Variants in DNAJB7 observed in about 807,000 individuals in gnomAD.
The protein encoded by DNAJB7 is DnaJ heat shock protein family (Hsp40) member B7.
DNAJB7 carries 1 observed loss-of-function variant against 1.2 expected under a neutral mutation model. That is an observed-to-expected ratio of 0.84 (90% CI 0.30 to 4.01). DNAJB7 has a LOEUF of 4.01. DNAJB7 is among the 30% of genes most tolerant of loss of function. The pLI, the probability that DNAJB7 is intolerant of heterozygous loss-of-function variation, is 0.18. For missense variants in DNAJB7, 420 were observed against 358.5 expected, an observed-to-expected ratio of 1.17 and a Z score of -1.39; for synonymous variants, 128 against 127.7, an observed-to-expected ratio of 1.00 and a Z score of -0.01.
rs1195668631 is a variant in DNAJB7 at position 40,860,792 on chromosome 22, A to G, written c.*273T>C. On this transcript the variant is annotated 3_prime_UTR_variant, in exon 1 of 1. Coordinates refer to ENST00000307221, the MANE Select transcript of DNAJB7 (RefSeq NM_145174.2). Reference sequence around the variant, plus strand: ...CAGCTTCCCGAGTAGCTGGGACTACAGGTGCACACCACCACACTTGGCTAA... The same window carrying G: ...CAGCTTCCCGAGTAGCTGGGACTACGGGTGCACACCACCACACTTGGCTAA... 13 of 663,248 alleles carry G rather than the reference A, an allele frequency of 2.0e-5. No individual in the cohort carries two copies. The highest frequency in any genetic ancestry group is 2.7e-5 in the Non-Finnish European group (11 of 403,376). 41.1% of individuals were successfully genotyped at this position (663,248 alleles called of 1,614,324 possible).
In DNAJB7 at chr22:40,861,917, C is replaced by A; in HGVS notation, c.78G>T (p.Val26=). 6.2e-7 allele frequency: 1 copy of A among 1,613,578 alleles called. No homozygotes were observed. The highest frequency in any genetic ancestry group is 8.5e-7 in the Non-Finnish European group (1 of 1,179,916). ...TTTTATCAGGGTGCCATTTAAGTGC[C>A]ACTTTATGATAAGCTTTTTTAATGT... The part of the protein sequence containing the change: ...PEDIKKAYHK[V]ALKWHPDKNP... Residue 26 remains valine, a synonymous_variant, in exon 1 of 1, where the codon GTG becomes GTT. Coordinates refer to ENST00000307221, the MANE Select transcript of DNAJB7 (RefSeq NM_145174.2).
chr22:40,859,999 A>G lies in DNAJB7; in HGVS notation c.*1066T>C, dbSNP rs1417420201. 1.3e-5 allele frequency: 2 copies of G among 152,220 alleles called. No homozygotes were observed. The highest frequency in any genetic ancestry group is 2.4e-5 in the African/African-American group (1 of 41,448). 9.4% of individuals were successfully genotyped at this position (152,220 alleles called of 1,614,324 possible). A position where few individuals can be genotyped will look rare whatever the true frequency, so the allele number is the denominator to read the frequency against. On this transcript the variant is annotated 3_prime_UTR_variant, in exon 1 of 1. Coordinates refer to ENST00000307221, the MANE Select transcript of DNAJB7 (RefSeq NM_145174.2). ...CCATACAGACTGCTCTGAGGAATTC[A>G]GGATAAGACTGGCCTTTAAAAAAAA...
Position 40,860,832 on chromosome 22 carries a change from G to T in DNAJB7, c.*233C>A. On this transcript the variant is annotated 3_prime_UTR_variant, in exon 1 of 1. Coordinates refer to ENST00000307221, the MANE Select transcript of DNAJB7 (RefSeq NM_145174.2). ...CACTTGGCTAATTTTTAAATTTTTT[G>T]TAGAGAAAAGATCTCACTATACTGC... 1.6e-6 allele frequency: 1 copy of T among 635,398 alleles called. No individual in the cohort carries two copies. The highest frequency in any genetic ancestry group is 2.6e-6 in the Non-Finnish European group (1 of 386,632). 39.4% of individuals were successfully genotyped at this position (635,398 alleles called of 1,614,324 possible).
rs202007041 is a variant in DNAJB7 at position 40,861,740 on chromosome 22, C to T, written c.255G>A (p.Glu85=). The change falls in exon 1 of 1, where the codon GAG becomes GAA. Residue 85 remains glutamate (E), a synonymous_variant. Coordinates refer to ENST00000307221, the MANE Select transcript of DNAJB7 (RefSeq NM_145174.2). The part of the protein sequence containing the change: ...GGGSHFDDEC[E]YGFTFHKPDD... ...CTGGCTTATGGAATGTGAAGCCGTA[C>T]TCACATTCATCATCAAAATGACTTC... is the stretch of plus-strand genomic sequence containing the variant. 1 of 1,613,734 alleles carries T rather than the reference C, an allele frequency of 6.2e-7. No homozygotes were observed. Among genetic ancestry groups the T allele is most frequent in the South Asian group, 1.1e-5 (1 of 90,944 alleles).
Position 40,861,849 on chromosome 22 carries a change from A to G in DNAJB7, c.146T>C (p.Val49Ala). The G allele has an allele frequency of 1.9e-6, 3 of 1,613,864 alleles. No individual in the cohort carries two copies. Among genetic ancestry groups the G allele is most frequent in the Non-Finnish European group, 2.5e-6 (3 of 1,179,992 alleles). ...TGATAATACCTCGTATGCCTCAGCTACTTCTTTGAATTTTCTCTCTGCTTC... is the reference window on the plus strand; with the variant it reads ...TGATAATACCTCGTATGCCTCAGCTGCTTCTTTGAATTTTCTCTCTGCTTC... Reference protein sequence around the residue: ...KEEAERKFKEVAEAYEVLSND... With the variant: ...KEEAERKFKEAAEAYEVLSND... The change falls in exon 1 of 1, where the codon GTA becomes GCA. Residue 49 changes from valine (V) to alanine (A), a missense_variant. Val to Ala is a moderately conservative substitution (Grantham distance 64, BLOSUM62 0). Coordinates refer to ENST00000307221, the MANE Select transcript of DNAJB7 (RefSeq NM_145174.2).
Position 40,860,980 on chromosome 22 carries a change from A to G in DNAJB7, c.*85T>C, listed in dbSNP as rs781729773. On this transcript the variant is annotated 3_prime_UTR_variant, in exon 1 of 1. Coordinates refer to ENST00000307221, the MANE Select transcript of DNAJB7 (RefSeq NM_145174.2). ...CTAAAAGTGTTGAAAAGCTCTTAGT[A>G]TAGTATTAAGTGTTATCTACAAAAT... The G allele has an allele frequency of 1.5e-4, 197 of 1,280,712 alleles. No homozygotes were observed. Among genetic ancestry groups the G allele is most frequent in the Non-Finnish European group, 2.0e-4 (185 of 929,410 alleles). 79.3% of individuals were successfully genotyped at this position (1,280,712 alleles called of 1,614,324 possible). A position where few individuals can be genotyped will look rare whatever the true frequency, so the allele number is the denominator to read the frequency against.
Position 40,860,734 on chromosome 22 carries a change from C to T in DNAJB7, c.*331G>A, listed in dbSNP as rs1030025027. 15 of 826,750 alleles carry T rather than the reference C, an allele frequency of 1.8e-5. No homozygotes were observed. Among genetic ancestry groups the T allele is most frequent in the Non-Finnish European group, 2.2e-5 (12 of 535,186 alleles). 51.2% of individuals were successfully genotyped at this position (826,750 alleles called of 1,614,324 possible). A position where few individuals can be genotyped will look rare whatever the true frequency, so the allele number is the denominator to read the frequency against. ...GTGGCGTGATCCCATTACACTGCAA[C>T]CTATGTCTTCCAGGCTCAAGCAGTC... On this transcript the variant is annotated 3_prime_UTR_variant, in exon 1 of 1. Transcript: ENST00000307221.
rs1049282019 is a variant in DNAJB7, at chr22:40,860,086, C to G, written c.*979G>C. The G allele has an allele frequency of 6.6e-6, 1 of 151,938 alleles. No individual in the cohort carries two copies. The highest frequency in any genetic ancestry group is 2.4e-5 in the African/African-American group (1 of 41,334). 9.4% of individuals were successfully genotyped at this position (151,938 alleles called of 1,614,324 possible). A position where few individuals can be genotyped will look rare whatever the true frequency, so the allele number is the denominator to read the frequency against. On this transcript the variant is annotated 3_prime_UTR_variant, in exon 1 of 1. Coordinates refer to ENST00000307221, the MANE Select transcript of DNAJB7 (RefSeq NM_145174.2). ...CCCGTTTTTTAATTTTTTAAATTTT[C>G]TATAGTTTTTCTTTAGAGACAGGGT...
chr22:40,861,980 A>G lies in DNAJB7; in HGVS notation c.15T>C (p.Tyr5=). Residue 5 remains tyrosine, a synonymous_variant, in exon 1 of 1, where the codon TAT becomes TAC. Coordinates refer to ENST00000307221, the MANE Select transcript of DNAJB7 (RefSeq NM_145174.2). MVDY[Y]EVLGLQRYAS... is the part of the protein sequence containing the mutation. ...CATATCTTTGCAGTCCTAGAACTTCATAGTAATCCACCATGTTTTAACAGA... is the reference window on the plus strand; with the variant it reads ...CATATCTTTGCAGTCCTAGAACTTCGTAGTAATCCACCATGTTTTAACAGA... 1.9e-6 allele frequency: 3 copies of G among 1,595,640 alleles called. No individual in the cohort carries two copies. The highest frequency in any genetic ancestry group is 2.6e-6 in the Non-Finnish European group (3 of 1,173,560).
Position 40,860,640 on chromosome 22 carries a change from G to A in DNAJB7, c.*425C>T, listed in dbSNP as rs995227996. On this transcript the variant is annotated 3_prime_UTR_variant, in exon 1 of 1. Coordinates refer to ENST00000307221, the MANE Select transcript of DNAJB7 (RefSeq NM_145174.2). ...AAAATTCAAAAGTAAAAAACTCATTGCAGTTTTCCAAATTCCTTTTTTTTT... is the reference window on the plus strand; with the variant it reads ...AAAATTCAAAAGTAAAAAACTCATTACAGTTTTCCAAATTCCTTTTTTTTT... 1.9e-5 allele frequency: 25 copies of A among 1,311,764 alleles called. No homozygotes were observed. Among genetic ancestry groups the A allele is most frequent in the Non-Finnish European group, 2.6e-5 (25 of 977,910 alleles). 81.3% of individuals were successfully genotyped at this position (1,311,764 alleles called of 1,614,324 possible).
In DNAJB7 at chr22:40,861,244, A is replaced by G. The variant is rs768257437; in HGVS notation, c.751T>C (p.Ser251Pro). The change falls in exon 1 of 1, where the codon TCT (serine) becomes CCT (proline). Residue 251 changes from serine (S) to proline (P), a missense_variant. By Grantham distance (74) the Ser-to-Pro change is moderately conservative. Transcript: ENST00000307221. ...TGAGATACATGTTTGGAGCTGTGAG[A>G]ATTTGGTGAATAGTTGTTGAATGAC... Reference protein sequence around the residue: ...TQSFNNYSPNSHSSKHVSQYT... With the variant: ...TQSFNNYSPNPHSSKHVSQYT... 1.2e-6 allele frequency: 2 copies of G among 1,614,030 alleles called. No homozygotes were observed. The highest frequency in any genetic ancestry group is 1.7e-6 in the Non-Finnish European group (2 of 1,180,022).
Position 40,861,516 on chromosome 22 carries a change from T to C in DNAJB7, c.479A>G (p.Gln160Arg). 1 of 1,613,972 alleles carries C rather than the reference T, an allele frequency of 6.2e-7. No homozygotes were observed. The highest frequency in any genetic ancestry group is 8.5e-7 in the Non-Finnish European group (1 of 1,180,004). Residue 160 changes from glutamine to arginine, a missense_variant, in exon 1 of 1, where the codon CAG (glutamine) becomes CGG (arginine). By Grantham distance (43) the Gln-to-Arg change is conservative (BLOSUM62 1). Coordinates refer to ENST00000307221, the MANE Select transcript of DNAJB7 (RefSeq NM_145174.2). ...FSSYDTGYTSQGSLGHEGLTS... is the reference protein window; with the variant it reads ...FSSYDTGYTSRGSLGHEGLTS... ...AAGGCCTTCATGCCCCAATGAACCC[T>C]GTGATGTATATCCTGTATCATATGA...
chr22:40,861,625 C>T lies in DNAJB7; in HGVS notation c.370G>A (p.Gly124Arg), dbSNP rs775734960. The change falls in exon 1 of 1, where the codon GGA becomes AGA. Residue 124 changes from glycine to arginine, a missense_variant. Transcript: ENST00000307221. Reference protein sequence around the residue: ...DSLEDLLNRPGSSYGNRNRDA... With the variant: ...DSLEDLLNRPRSSYGNRNRDA... The stretch of plus-strand genomic sequence containing the variant: ...CTGTTTCTGTTTCCATAGGAGCTTC[C>T]TGGACGATTTAACAGGTCCTCAAGC... The T allele has an allele frequency of 6.2e-7, 1 of 1,613,624 alleles. No individual in the cohort carries two copies. The highest frequency in any genetic ancestry group is 1.1e-5 in the South Asian group (1 of 90,892).
rs756348480 is a variant in DNAJB7 at position 40,861,442 on chromosome 22, T to C, written c.553A>G (p.Ile185Val). Residue 185 changes from isoleucine to valine, a missense_variant, in exon 1 of 1, where the codon ATA becomes GTA. Physicochemically the swap from Ile to Val is conservative, Grantham distance 29 (BLOSUM62 3). Coordinates refer to ENST00000307221, the MANE Select transcript of DNAJB7 (RefSeq NM_145174.2). ...ATTTTGTCTGAAGTTGTAACAGATA[T>C]GTAGTTGTCCATCCCACTATTATCA... ...AFDNSGMDNY[I>V]SVTTSDKIVN... 1.3e-5 allele frequency: 21 copies of C among 1,614,090 alleles called. No homozygotes were observed. The highest frequency in any genetic ancestry group is 1.7e-5 in the Non-Finnish European group (20 of 1,180,002).
chr22:40,861,395 A>G lies in DNAJB7; in HGVS notation c.600T>C (p.Asn200=), dbSNP rs776233221. 5 of 1,613,600 alleles carry G rather than the reference A, an allele frequency of 3.1e-6. No homozygotes were observed. The highest frequency in any genetic ancestry group is 2.7e-5 in the African/African-American group (2 of 74,840). The part of the protein sequence containing the change: ...SDKIVNGRNI[N]TKKIIESDQE... ...GATCACTTTCAATAATTTTCTTTGTATTAATATTTCTGCCATTAACGATTT... is the reference window on the plus strand; with the variant it reads ...GATCACTTTCAATAATTTTCTTTGTGTTAATATTTCTGCCATTAACGATTT... The change falls in exon 1 of 1, where the codon AAT becomes AAC. Residue 200 remains asparagine, a synonymous_variant. Coordinates refer to ENST00000307221, the MANE Select transcript of DNAJB7 (RefSeq NM_145174.2).
At position 40,861,152 on chromosome 22, in the gene DNAJB7, A is replaced by G; in HGVS notation, c.843T>C (p.Ile281=). ...CACCCTCTTTGACTCCTGCTGAGAA[A>G]ATAGGGGGATCTCTGTTGCTGGTAA... The part of the protein sequence containing the change: ...SWVTSNRDPP[I]FSAGVKEGGK... Residue 281 remains isoleucine (I), a synonymous_variant, in exon 1 of 1, where the codon ATT becomes ATC. Coordinates refer to ENST00000307221, the MANE Select transcript of DNAJB7 (RefSeq NM_145174.2). The G allele has an allele frequency of 6.2e-7, 1 of 1,614,122 alleles. No individual in the cohort carries two copies. Among genetic ancestry groups the G allele is most frequent in the Non-Finnish European group, 8.5e-7 (1 of 1,180,012 alleles).
Position 40,859,830 on chromosome 22 carries a change from T to G in DNAJB7, c.*1235A>C, listed in dbSNP as rs1279674588. ...CCATTTGCTCGATATCTGATGTATT[T>G]GTAACCCATCTATTTTTCTCCCAAC... On this transcript the variant is annotated 3_prime_UTR_variant, in exon 1 of 1. Transcript: ENST00000307221. 6.6e-6 allele frequency: 1 copy of G among 152,250 alleles called. No homozygotes were observed. Among genetic ancestry groups the G allele is most frequent in the African/African-American group, 2.4e-5 (1 of 41,472 alleles). 9.4% of individuals were successfully genotyped at this position (152,250 alleles called of 1,614,324 possible). A position where few individuals can be genotyped will look rare whatever the true frequency, so the allele number is the denominator to read the frequency against.
Position 40,859,822 on chromosome 22 carries a change from G to C in DNAJB7, c.*1243C>G, listed in dbSNP as rs2057930854. The C allele has an allele frequency of 6.6e-6, 1 of 152,106 alleles. No homozygotes were observed. Among genetic ancestry groups the C allele is most frequent in the Admixed American group, 6.5e-5 (1 of 15,274 alleles). 9.4% of individuals were successfully genotyped at this position (152,106 alleles called of 1,614,324 possible). A position where few individuals can be genotyped will look rare whatever the true frequency, so the allele number is the denominator to read the frequency against. ...AACTCAAACCATTTGCTCGATATCT[G>C]ATGTATTTGTAACCCATCTATTTTT... On this transcript the variant is annotated 3_prime_UTR_variant, in exon 1 of 1. Coordinates refer to ENST00000307221, the MANE Select transcript of DNAJB7 (RefSeq NM_145174.2).
rs2057947968 is a variant in DNAJB7, at chr22:40,861,645, T to C, written c.350A>G (p.Glu117Gly). The C allele has an allele frequency of 6.2e-7, 1 of 1,614,092 alleles. No homozygotes were observed. Among genetic ancestry groups the C allele is most frequent in the Non-Finnish European group, 8.5e-7 (1 of 1,180,008 alleles). ...FSFHFFEDSL[E>G]DLLNRPGSSY... Reference sequence around the variant, plus strand: ...GCTTCCTGGACGATTTAACAGGTCCTCAAGCGAGTCTTCAAAGAAGTGAAA... The same window carrying C: ...GCTTCCTGGACGATTTAACAGGTCCCCAAGCGAGTCTTCAAAGAAGTGAAA... Residue 117 changes from glutamate (E) to glycine (G), a missense_variant, in exon 1 of 1, where the codon GAG (glutamate) becomes GGG (glycine). By Grantham distance (98) the Glu-to-Gly change is moderately conservative. Coordinates refer to ENST00000307221, the MANE Select transcript of DNAJB7 (RefSeq NM_145174.2).
Sources: gnomAD v4.1 joint callset for allele counts on GRCh38, gnomAD v4.1.1 for gene constraint, MANE v1.5 for transcripts, NCBI Gene and HGNC (gene_info 2026-07-23, HGNC 2026-07-21) for gene names.